Variants in RHPN2 observed in about 807,000 individuals in gnomAD.
RHPN2 encodes the protein rhophilin Rho GTPase binding protein 2.
A neutral mutation model predicts 79.0 loss-of-function variants in RHPN2; 40 were observed. The observed-to-expected ratio is 0.51, with a 90% CI of 0.39 to 0.66. The LOEUF is 0.66. Ranked by LOEUF, RHPN2 falls within the 30% of genes least tolerant of loss-of-function variation. RHPN2 has a pLI of 0.00. For synonymous variants in RHPN2, 285 were observed against 363.5 expected (o/e 0.78, Z 2.46); for missense variants, 686 against 883.5 (o/e 0.78, Z 2.83).
At chr19:33,006,207 T>C (rs1380508203) in intron 7 of RHPN2, among the ~76,000 whole-genome samples, 1 of 151,268 alleles carries the variant, frequency 6.6e-6, no homozygotes, top group Non-Finnish European at 1.5e-5. Flanking sequence ...AAAAAAAAAT[T>C]CTTTTTAGGG....
chr19:33,042,100 A>G (rs1381590789), intron 2 of RHPN2, among the ~76,000 whole-genome samples: 1 of 151,938 alleles, frequency 6.6e-6, no homozygotes, highest in Admixed American at 6.6e-5. Flanking sequence ...GAGGCAGGAG[A>G]ACCACTTGAA....
chr19:33,007,175 C>A (rs1971798174), intron 7 of RHPN2, among the ~76,000 whole-genome samples: 1 of 152,030 alleles, frequency 6.6e-6, no homozygotes, highest in Admixed American at 6.6e-5. Flanking sequence ...GAGAAGTTGG[C>A]AGAATGCAGG....
intron 14 of RHPN2, among the ~76,000 whole-genome samples, chr19:32,983,827 A>G (rs1417301301): frequency 6.6e-6 from 1 of 152,008 alleles, no homozygotes; most frequent in Non-Finnish European, 1.5e-5. Context: ...GGGTTTCACC[A>G]TGTTGGCCAG....
intron 1 of RHPN2, among the ~76,000 whole-genome samples, chr19:33,057,943 T>C (rs2145273677): frequency 6.6e-6 from 1 of 151,936 alleles, no homozygotes; most frequent in South Asian, 2.1e-4. Flanking sequence ...GCAAATCACT[T>C]GAGGTCAGGA....
rs879277059 is a variant in RHPN2, at chr19:32,979,859, C to A, written c.*137G>T. The A allele has an allele frequency of 9.0e-7, 1 of 1,112,154 alleles. No individual in the cohort carries two copies. Among genetic ancestry groups the A allele is most frequent in the Admixed American group, 2.3e-5 (1 of 43,452 alleles). The allele number at this position is 1,112,154 out of a possible 1,614,324, so 68.9% of individuals were successfully genotyped here. ...TTGGTTACTTTCCTTCATAAAAACA[C>A]ATCAAATGTGAGTTTACACTATGAG... On this transcript the variant is annotated 3_prime_UTR_variant, in exon 15 of 15. Transcript: ENST00000254260.
At chr19:33,020,477 G>A (rs1971914650) in intron 4 of RHPN2, among the ~76,000 whole-genome samples, 1 of 149,656 alleles carries the variant, frequency 6.7e-6, no homozygotes, top group African/African-American at 2.5e-5. Flanking sequence ...ACAGGCATAT[G>A]CCACTATGCC....
intron 11 of RHPN2, 44 bp downstream of exon 11, chr19:32,995,982 G>C (rs368926631): frequency 7.5e-6 from 12 of 1,604,598 alleles, no homozygotes; most frequent in Non-Finnish European, 1.0e-5. Context: ...CTCTTTCCGC[G>C]GCACAGGCAC....
chr19:33,054,418 T>C (rs1972215332), intron 1 of RHPN2, among the ~76,000 whole-genome samples: 1 of 151,944 alleles, frequency 6.6e-6, no homozygotes, highest in South Asian at 2.1e-4. Context: ...CAGGCTGGTC[T>C]CGAACTCCTG....
intron 1 of RHPN2, among the ~76,000 whole-genome samples, chr19:33,044,830 G>C (rs1038637001): frequency 6.6e-6 from 1 of 152,154 alleles, no homozygotes; most frequent in African/African-American, 2.4e-5. Flanking sequence ...GGTGCTGAAG[G>C]TTGCAGTGAG....
chr19:32,984,875 A>G (rs1370592727), intron 14 of RHPN2, among the ~76,000 whole-genome samples: 1 of 151,998 alleles, frequency 6.6e-6, no homozygotes, highest in Non-Finnish European at 1.5e-5. Context: ...TGGGAGGCGG[A>G]GGCAGGCAGA....
At chr19:33,051,758 CG>C (rs1568326779) in intron 1 of RHPN2, 1 of 173,234 alleles carries the variant, frequency 5.8e-6, no homozygotes, top group African/African-American at 2.4e-5. Flanking sequence ...TGGTGGCTCA[CG>C]TGTATAATCA....
chr19:33,023,164 G>A (rs1971938131), intron 3 of RHPN2, among the ~76,000 whole-genome samples: 1 of 152,182 alleles, frequency 6.6e-6, no homozygotes, highest in African/African-American at 2.4e-5. Context: ...GCCAGGTGCA[G>A]TGGCTCACGC....
At chr19:33,034,121 G>A (rs562404163) in intron 2 of RHPN2, among the ~76,000 whole-genome samples, 8 of 150,988 alleles carry the variant, frequency 5.3e-5, no homozygotes, top group Non-Finnish European at 8.8e-5. Context: ...TCCTCCCAAA[G>A]TGCTAGGATT....
At chr19:33,026,405 C>T in intron 3 of RHPN2, 99 bp downstream of exon 3, 1 of 1,501,358 alleles carries the variant, frequency 6.7e-7, no homozygotes, top group Non-Finnish European at 9.1e-7. Flanking sequence ...GCTGCCACAC[C>T]CCAGTCTAGA....
chr19:33,034,617 A>AAAAC (rs1317441895), intron 2 of RHPN2, among the ~76,000 whole-genome samples: 1 of 149,760 alleles, frequency 6.7e-6, no homozygotes, highest in Admixed American at 6.7e-5. Flanking sequence ...AAAAAAAAAA[A>AAAAC]AAAAAATACA....
At position 33,047,576 on chromosome 19, in the gene RHPN2, G is replaced by A. The variant is rs527721160; in HGVS notation, c.70-3212C>T. Among the ~76,000 whole-genome samples the A allele has an allele frequency of 2.6e-5, 4 of 152,288 alleles. No individual in the cohort carries two copies. In the East Asian group the frequency reaches 7.7e-4, roughly 29 times the overall value. ...GCGGTCTGGCGGGTAGTATTACGTG[G>A]TGAAGAGACTGCCCTTTCTCTCTCC... On this transcript the variant is annotated intron_variant, in intron 1 of 14. Transcript: ENST00000254260.
chr19:33,045,358 T>G (rs1185197669), intron 1 of RHPN2, among the ~76,000 whole-genome samples: 3 of 152,130 alleles, frequency 2.0e-5, no homozygotes, highest in Non-Finnish European at 4.4e-5. Flanking sequence ...TGGCCTACTT[T>G]TTTTATTTAG....
At chr19:33,031,533 C>T (rs977127810) in intron 2 of RHPN2, among the ~76,000 whole-genome samples, 3 of 152,004 alleles carry the variant, frequency 2.0e-5, no homozygotes, top group Non-Finnish European at 4.4e-5. Flanking sequence ...GCGTGAGCCA[C>T]GACGCCCAGC....
At chr19:33,012,309 T>G (rs1243495348) in intron 5 of RHPN2, among the ~76,000 whole-genome samples, 1 of 152,118 alleles carries the variant, frequency 6.6e-6, no homozygotes, top group Non-Finnish European at 1.5e-5. Context: ...CCCAAAGTGC[T>G]GGAATTACCA....
Sources: allele counts gnomAD v4.1 joint callset (sites outside exome capture counted in the v4.1 genomes callset), GRCh38; gene constraint gnomAD v4.1.1; transcripts MANE v1.5; gene names NCBI Gene and HGNC (gene_info 2026-07-23, HGNC 2026-07-21).